Variants in SLC5A8 observed in about 807,000 individuals in gnomAD.
The protein encoded by SLC5A8 is solute carrier family 5 member 8.
Under a neutral mutation model 71.9 loss-of-function variants are expected in SLC5A8, and 55 were observed. The observed-to-expected ratio is 0.77, with a 90% CI of 0.62 to 0.96. The LOEUF (loss-of-function observed/expected upper bound fraction) is 0.96. SLC5A8 is among the 40% of genes least tolerant of loss of function. The pLI, the probability that SLC5A8 is intolerant of heterozygous loss-of-function variation, is 0.00. For synonymous variants in SLC5A8, 307 were observed against 276.1 expected, an observed-to-expected ratio of 1.11 and a Z score of -1.11; for missense variants, 701 against 745.3, an observed-to-expected ratio of 0.94 and a Z score of 0.69.
intron 14 of SLC5A8, among the ~76,000 whole-genome samples, chr12:101,157,899 T>C (rs2051681612): frequency 6.6e-6 from 1 of 151,704 alleles, no homozygotes; most frequent in South Asian, 2.1e-4. Flanking sequence ...ACAACAGGTG[T>C]AGCTCATCAG....
chr12:101,201,370 A>G (rs1019271768), intron 3 of SLC5A8, among the ~76,000 whole-genome samples: 3 of 152,172 alleles, frequency 2.0e-5, no homozygotes, highest in Non-Finnish European at 2.9e-5. Flanking sequence ...CAGAGTGTGG[A>G]ATTAGTAGGT....
rs773679051 is a variant in SLC5A8 at position 101,201,056 on chromosome 12, T to G, written c.469+1108A>C. 3.9e-5 allele frequency among the ~76,000 whole-genome samples: 6 copies of G among 152,320 alleles called. No homozygotes were observed. In the South Asian group the frequency reaches 1.2e-3, roughly 32 times the overall value. ...CTCTCAGGGAGTGGTTTGAGCCTGA[T>G]AAGAACAGAATGCTTGATTTCTTCA... is the stretch of plus-strand genomic sequence containing the variant. On this transcript the variant is annotated intron_variant, in intron 3 of 14. Coordinates refer to ENST00000536262, the MANE Select transcript of SLC5A8 (RefSeq NM_145913.5).
chr12:101,163,381 CA>C (rs1471368794), intron 12 of SLC5A8, among the ~76,000 whole-genome samples: 1 of 152,064 alleles, frequency 6.6e-6, no homozygotes, highest in Non-Finnish European at 1.5e-5. Flanking sequence ...TCAGAGAGAT[CA>C]AGACAATGAG....
In SLC5A8 at chr12:101,209,977, C is replaced by A; in HGVS notation, c.-129G>T. ...GGCGTCCCGCGGGGACTGGAGGCGT[C>A]CTCCAGGTGTCGGCCTCCGAACGCA... On this transcript the variant is annotated 5_prime_UTR_variant, in exon 1 of 15. Transcript: ENST00000536262. The A allele has an allele frequency of 2.4e-6, 2 of 816,638 alleles. No individual in the cohort carries two copies. Among genetic ancestry groups the A allele is most frequent in the South Asian group, 2.2e-5 (1 of 45,870 alleles). The allele number at this position is 816,638 out of a possible 1,614,324, so 50.6% of individuals were successfully genotyped here. A position where few individuals can be genotyped will look rare whatever the true frequency, so the allele number is the denominator to read the frequency against.
chr12:101,186,345 G>GT (rs1360215721), intron 7 of SLC5A8, among the ~76,000 whole-genome samples: 2 of 152,064 alleles, frequency 1.3e-5, no homozygotes, highest in Admixed American at 6.5e-5. Context: ...GCTCCAGGGT[G>GT]TTTTTATTTT....
At position 101,185,870 on chromosome 12, in the gene SLC5A8, G is replaced by A. The variant is rs865852801; in HGVS notation, c.963+1516C>T. Among the ~76,000 whole-genome samples, 5 of 152,214 alleles carry A rather than the reference G, an allele frequency of 3.3e-5. 1 individual carries two copies. Among genetic ancestry groups the A allele is most frequent in the African/African-American group, 9.6e-5 (4 of 41,540 alleles). Reference sequence around the variant, plus strand: ...TAAGATTACAGGCGTGAGCCACCACGACTGAGCGAGGATAAGGTTTTGACA... The same window carrying A: ...TAAGATTACAGGCGTGAGCCACCACAACTGAGCGAGGATAAGGTTTTGACA... On this transcript the variant is annotated intron_variant, in intron 7 of 14. Coordinates refer to ENST00000536262, the MANE Select transcript of SLC5A8 (RefSeq NM_145913.5).
intron 4 of SLC5A8, among the ~76,000 whole-genome samples, chr12:101,194,527 G>T (rs993542712): frequency 3.3e-5 from 5 of 152,308 alleles, no homozygotes; most frequent in Admixed American, 3.3e-4. Context: ...GTGCGGTGGT[G>T]CAATCACAGC....
At chr12:101,197,612 T>C (rs963402621) in intron 3 of SLC5A8, among the ~76,000 whole-genome samples, 4 of 152,160 alleles carry the variant, frequency 2.6e-5, no homozygotes, top group African/African-American at 9.6e-5. Flanking sequence ...TCTGCAAATA[T>C]GTTGCAATTT....
chr12:101,209,712 A>G lies in SLC5A8; in HGVS notation c.137T>C (p.Leu46Pro). ...GGGQQTSKDF[L>P]MGGRRMTAVP... is the part of the protein sequence containing the mutation. ...TGCGGTCATTCTGCGGCCGCCCATC[A>G]GGAAGTCCTTGGAGGTCTGCTGGCC... is the stretch of plus-strand genomic sequence containing the variant. The change falls in exon 1 of 15, where the codon CTG becomes CCG. Residue 46 changes from leucine to proline, a missense_variant. Leu to Pro is a moderately conservative substitution (Grantham distance 98, BLOSUM62 -3). Transcript: ENST00000536262. 1 of 1,613,350 alleles carries G rather than the reference A, an allele frequency of 6.2e-7. No homozygotes were observed. Among genetic ancestry groups the G allele is most frequent in the Non-Finnish European group, 8.5e-7 (1 of 1,180,026 alleles).
At chr12:101,158,398 T>A (rs2051688027) in intron 13 of SLC5A8, 70 bp from the exon 14 acceptor site, 1 of 952,864 alleles carries the variant, frequency 1.0e-6, no homozygotes. Flanking sequence ...GACATTCCAT[T>A]ATACAGGCAT....
At position 101,157,244 on chromosome 12, in the gene SLC5A8, A is replaced by G; in HGVS notation, c.*35T>C. 2 of 1,593,954 alleles carry G rather than the reference A, an allele frequency of 1.3e-6. No homozygotes were observed. The highest frequency in any genetic ancestry group is 1.7e-6 in the Non-Finnish European group (2 of 1,168,064). ...TATCTTAGAAAACATATAAAATTGA[A>G]ACATCATTTAAGGATATCTAGTATC... On this transcript the variant is annotated 3_prime_UTR_variant, in exon 15 of 15. Transcript: ENST00000536262.
chr12:101,184,973 A>C (rs922293601), intron 7 of SLC5A8, among the ~76,000 whole-genome samples: 1 of 152,230 alleles, frequency 6.6e-6, no homozygotes, highest in Admixed American at 6.5e-5. Context: ...CTAAGTGGAC[A>C]ATTTTCTCGA....
chr12:101,183,000 T>G (rs1369726377), intron 8 of SLC5A8, 85 bp from the exon 9 acceptor site: 2 of 554,034 alleles, frequency 3.6e-6, no homozygotes, highest in Non-Finnish European at 5.9e-6. Context: ...GGAAACAAAT[T>G]GTCACTTCTA....
intron 14 of SLC5A8, 36 bp from the exon 15 acceptor site, chr12:101,157,437 A>G (rs780381511): frequency 6.5e-7 from 1 of 1,542,868 alleles, no homozygotes; most frequent in South Asian, 1.2e-5. Context: ...TTAGGGGGAG[A>G]AAAAGAAGCT....
Position 101,209,772 on chromosome 12 carries a change from G to A in SLC5A8, c.77C>T (p.Ala26Val), listed in dbSNP as rs1361155225. The change falls in exon 1 of 15, where the codon GCC (alanine) becomes GTC (valine). Residue 26 changes from alanine to valine, a missense_variant. Physicochemically the swap from Ala to Val is moderately conservative, Grantham distance 64 (BLOSUM62 0). Transcript: ENST00000536262. ...VVFAGMLVIS[A>V]AIGIYYAFAG... The stretch of plus-strand genomic sequence containing the variant: ...GAAGGCGTAGTAGATGCCGATGGCG[G>A]CCGAGATGACCAGCATGCCCGCGAA... 6.2e-7 allele frequency: 1 copy of A among 1,610,566 alleles called. No homozygotes were observed. Among genetic ancestry groups the A allele is most frequent in the African/African-American group, 1.3e-5 (1 of 74,902 alleles).
chr12:101,177,910 T>C (rs1057268182), intron 10 of SLC5A8, among the ~76,000 whole-genome samples: 1 of 152,078 alleles, frequency 6.6e-6, no homozygotes, highest in Non-Finnish European at 1.5e-5. Flanking sequence ...AAGGCATTCA[T>C]ACAGATCAGA....
intron 7 of SLC5A8, 118 bp from the exon 8 acceptor site, chr12:101,184,340 T>C (rs1288438554): frequency 3.7e-6 from 3 of 813,552 alleles, no homozygotes; most frequent in Non-Finnish European, 5.9e-6. Flanking sequence ...TCCACACAAA[T>C]GAAATTTTCA....
Position 101,156,968 on chromosome 12 carries a change from G to T in SLC5A8, c.*311C>A. 4.3e-6 allele frequency: 1 copy of T among 234,030 alleles called. No individual in the cohort carries two copies. Among genetic ancestry groups the T allele is most frequent in the Admixed American group, 5.4e-5 (1 of 18,612 alleles). The allele number at this position is 234,030 out of a possible 1,614,324, so 14.5% of individuals were successfully genotyped here. A position where few individuals can be genotyped will look rare whatever the true frequency, so the allele number is the denominator to read the frequency against. Reference sequence around the variant, plus strand: ...TACCCAAATTTAAGAATATACCTTTGACAATCAAATACATGTGCATATGTG... The same window carrying T: ...TACCCAAATTTAAGAATATACCTTTTACAATCAAATACATGTGCATATGTG... On this transcript the variant is annotated 3_prime_UTR_variant, in exon 15 of 15. Transcript: ENST00000536262.
chr12:101,184,355 C>T, intron 7 of SLC5A8, 133 bp from the exon 8 acceptor site: 1 of 712,116 alleles, frequency 1.4e-6, no homozygotes, highest in South Asian at 1.9e-5. Flanking sequence ...TTTTCAAATA[C>T]CTAAAATTAA....
Sources: gnomAD v4.1 joint callset for allele counts (sites outside exome capture counted in the v4.1 genomes callset) on GRCh38, gnomAD v4.1.1 for gene constraint, MANE v1.5 for transcripts, NCBI Gene and HGNC (gene_info 2026-07-23, HGNC 2026-07-21) for gene names.